DDX60L: variants seen among roughly 807,000 people sequenced by gnomAD.
DDX60L encodes probable ATP-dependent RNA helicase DDX60-like.
A neutral mutation model predicts 211.6 loss-of-function variants in DDX60L; 191 were observed. The observed-to-expected ratio is 0.90, with a 90% CI of 0.80 to 1.02. DDX60L has a LOEUF of 1.02. Among genes scored for constraint, DDX60L ranks in the 50% least tolerant of loss-of-function variants. DDX60L has a pLI of 0.00. For missense variants in DDX60L, 2,007 were observed against 1,984.1 expected (o/e 1.01, Z -0.22); for synonymous variants, 706 against 694.1 (o/e 1.02, Z -0.27).
At chr4:168,405,715 C>T (rs1277893616) in intron 24 of DDX60L, among the ~76,000 whole-genome samples, 1 of 152,116 alleles carries the variant, frequency 6.6e-6, no homozygotes, top group Non-Finnish European at 1.5e-5. Context: ...GTAGCTGTTA[C>T]CTGAAGAAAC....
chr4:168,436,335 C>T (rs1280896251), intron 10 of DDX60L, among the ~76,000 whole-genome samples: 2 of 152,224 alleles, frequency 1.3e-5, no homozygotes, highest in Non-Finnish European at 2.9e-5. Flanking sequence ...GCCAGAAATA[C>T]TATCCTTGGA....
At chr4:168,412,838 T>A (rs1261453937) in intron 22 of DDX60L, among the ~76,000 whole-genome samples, 2 of 152,214 alleles carry the variant, frequency 1.3e-5, no homozygotes, top group Non-Finnish European at 2.9e-5. Flanking sequence ...AGAAAAAGAT[T>A]CCATTTGTTT....
intron 37 of DDX60L, 66 bp from the exon 38 acceptor site, chr4:168,358,342 A>C: frequency 8.0e-7 from 1 of 1,247,296 alleles, no homozygotes. Context: ...CAATATTATT[A>C]AAAGGTTAGC....
At chr4:168,399,209 T>G (rs987410033) in intron 26 of DDX60L, among the ~76,000 whole-genome samples, 2 of 152,160 alleles carry the variant, frequency 1.3e-5, no homozygotes, top group African/African-American at 4.8e-5. Context: ...ACACACCCCT[T>G]GCTTGCCACG....
chr4:168,403,899 A>T, intron 25 of DDX60L, 83 bp downstream of exon 25: 1 of 796,418 alleles, frequency 1.3e-6, no homozygotes, highest in Non-Finnish European at 1.8e-6. Context: ...TAACCACTAT[A>T]TATAAATGAG....
chr4:168,420,068 T>G (rs1750239894), intron 18 of DDX60L, among the ~76,000 whole-genome samples, 193 bp downstream of exon 18: 1 of 152,202 alleles, frequency 6.6e-6, no homozygotes, highest in Non-Finnish European at 1.5e-5. Context: ...TGAATATCCT[T>G]AGAGATGGTG....
chr4:168,459,823 G>GGAAGGAAGGAAGGAA (rs1163948655), intron 5 of DDX60L, among the ~76,000 whole-genome samples: 1 of 63,856 alleles, frequency 1.6e-5, no homozygotes, highest in Admixed American at 1.6e-4. Context: ...AAGGAGGGAA[G>GGAAGGAAGGAAGGAA]GGAGGGAGGG....
At chr4:168,426,388 C>T (rs145303609) in intron 14 of DDX60L, among the ~76,000 whole-genome samples, 30 of 152,192 alleles carry the variant, frequency 2.0e-4, no homozygotes, top group African/African-American at 7.0e-4. Context: ...AGATAAAGAG[C>T]CCAGGTAGAA....
chr4:168,401,395 T>A (rs1746786114), intron 25 of DDX60L, among the ~76,000 whole-genome samples: 1 of 152,226 alleles, frequency 6.6e-6, no homozygotes, highest in African/African-American at 2.4e-5. Flanking sequence ...TCCCCAACTT[T>A]GAGTTGTCCT....
chr4:168,412,409 G>C (rs1178337760), intron 22 of DDX60L, among the ~76,000 whole-genome samples: 2 of 151,998 alleles, frequency 1.3e-5, no homozygotes, highest in African/African-American at 4.8e-5. Context: ...TAAGCTGACT[G>C]AAGAGGCCTT....
intron 6 of DDX60L, 128 bp from the exon 7 acceptor site, chr4:168,456,280 T>A: frequency 2.2e-6 from 1 of 456,144 alleles, no homozygotes; most frequent in Non-Finnish European, 3.7e-6. Context: ...ACTTCAAATG[T>A]TTAGTTTAAA....
intron 1 of DDX60L, among the ~76,000 whole-genome samples, chr4:168,477,177 A>C (rs997312614): frequency 6.6e-6 from 1 of 152,182 alleles, no homozygotes; most frequent in African/African-American, 2.4e-5. Context: ...GCACTTTGGG[A>C]GGCCAAGGCG....
intron 13 of DDX60L, among the ~76,000 whole-genome samples, chr4:168,429,159 T>C (rs1751936895): frequency 6.6e-6 from 1 of 152,178 alleles, no homozygotes; most frequent in African/African-American, 2.4e-5. Flanking sequence ...TTTTCTTTTT[T>C]TTTTAGACAG....
At chr4:168,370,688 G>A (rs372618767) in intron 36 of DDX60L, among the ~76,000 whole-genome samples, 1 of 152,208 alleles carries the variant, frequency 6.6e-6, no homozygotes, top group African/African-American at 2.4e-5. Context: ...ATATCAAACT[G>A]TATCCTATAT....
Position 168,379,092 on chromosome 4 carries a change from T to C in DDX60L, c.4363+271A>G, listed in dbSNP as rs78856204. Among the ~76,000 whole-genome samples, 6,181 of 152,306 alleles carry C rather than the reference T, an allele frequency of 0.041. 140 individuals carry two copies. The highest frequency in any genetic ancestry group is 0.092 in the Middle Eastern group (27 of 294). ...AAATCATATGACCATCAGAAACTTA[T>C]TGTCTTTCTATGCTTCTCCGTTTTC... is the stretch of plus-strand genomic sequence containing the variant. On this transcript the variant is annotated intron_variant, in intron 32 of 37. Coordinates refer to ENST00000682922, the MANE Select transcript of DDX60L (RefSeq NM_001012967.3).
intron 10 of DDX60L, among the ~76,000 whole-genome samples, chr4:168,436,775 C>T (rs938743649): frequency 2.6e-5 from 4 of 152,140 alleles, no homozygotes; most frequent in Non-Finnish European, 5.9e-5. Flanking sequence ...GTTTAGATAT[C>T]TTAGTTCCAA....
chr4:168,390,134 G>A (rs983939858), intron 29 of DDX60L: 3 of 986,896 alleles, frequency 3.0e-6, no homozygotes. Context: ...TGTCCTAGGA[G>A]ATAATGCTAA....
intron 4 of DDX60L, among the ~76,000 whole-genome samples, chr4:168,463,911 A>G (rs966617380): frequency 6.6e-6 from 1 of 152,232 alleles, no homozygotes. Context: ...CCATAGTATA[A>G]TACACTGTTG....
chr4:168,472,873 A>G (rs1180178021), intron 1 of DDX60L, 64 bp from the exon 2 acceptor site: 2 of 650,618 alleles, frequency 3.1e-6, no homozygotes, highest in Non-Finnish European at 5.2e-6. Context: ...CCCAAAAAAT[A>G]TGGTTACATT....
Sources: gnomAD v4.1 joint callset for allele counts (sites outside exome capture counted in the v4.1 genomes callset) on GRCh38, gnomAD v4.1.1 for gene constraint, MANE v1.5 for transcripts, NCBI Gene and HGNC (gene_info 2026-07-23, HGNC 2026-07-21) for gene names.